Variants in TGFA observed in about 807,000 individuals in gnomAD.
TGFA encodes the protein transforming growth factor alpha.
A neutral mutation model predicts 21.7 loss-of-function variants in TGFA; 12 were observed. That is an observed-to-expected ratio of 0.55 (90% CI 0.35 to 0.90). TGFA has a LOEUF of 0.90. TGFA is among the 40% of genes least tolerant of loss of function. TGFA has a pLI of 0.01. For missense variants in TGFA, 178 were observed against 210.8 expected (o/e 0.84, Z 0.96); for synonymous variants, 79 against 88.1 (o/e 0.90, Z 0.58).
At chr2:70,502,376 A>G (rs7567218) in intron 2 of TGFA, among the ~76,000 whole-genome samples, 31,977 of 152,000 alleles carry the variant, frequency 0.21, 6,577 homozygotes, top group African/African-American at 0.54. Context: ...GTCTCACTCT[A>G]TTGCCCAGGC....
intron 1 of TGFA, among the ~76,000 whole-genome samples, chr2:70,550,227 T>G (rs2103958945): frequency 6.6e-6 from 1 of 152,338 alleles, no homozygotes; most frequent in South Asian, 2.1e-4. Context: ...CTCTGGATTA[T>G]AAAATCCATT....
At chr2:70,537,846 G>A (rs1186854102) in intron 1 of TGFA, among the ~76,000 whole-genome samples, 2 of 152,200 alleles carry the variant, frequency 1.3e-5, no homozygotes, top group African/African-American at 2.4e-5. Flanking sequence ...ATTGATGAAG[G>A]TGGCTACTCT....
chr2:70,510,721 T>C (rs187957938), intron 2 of TGFA, among the ~76,000 whole-genome samples: 53 of 152,312 alleles, frequency 3.5e-4, no homozygotes, highest in Non-Finnish European at 1.8e-4. Context: ...GACGCTGGCA[T>C]CATCTGCCCT....
intron 1 of TGFA, among the ~76,000 whole-genome samples, chr2:70,542,586 C>G (rs1216121303): frequency 1.3e-5 from 2 of 152,140 alleles, no homozygotes; most frequent in African/African-American, 4.8e-5. Context: ...GGTTGTGCAC[C>G]TAATGGACAC....
chr2:70,480,435 C>T (rs1553495245), intron 2 of TGFA, among the ~76,000 whole-genome samples: 2 of 152,172 alleles, frequency 1.3e-5, no homozygotes, highest in African/African-American at 4.8e-5. Context: ...TTCTTCAGAG[C>T]TTCTAGTACT....
Position 70,450,793 on chromosome 2 carries a change from TCCTGAAGAAG to T in TGFA, c.*56_*65del. ...CACCCAGGCATCTCTGGCAGTGCTGTCCTGAAGAAGCCTTTCTTTATTGATCTGCCACAGT... is the reference window on the plus strand; with the variant it reads ...CACCCAGGCATCTCTGGCAGTGCTGTCCTTTCTTTATTGATCTGCCACAGT... On this transcript the variant is annotated 3_prime_UTR_variant, in exon 6 of 6. Transcript: ENST00000295400. 1 of 1,578,648 alleles carries T rather than the reference TCCTGAAGAAG, an allele frequency of 6.3e-7. No individual in the cohort carries two copies. The highest frequency in any genetic ancestry group is 8.6e-7 in the Non-Finnish European group (1 of 1,156,248).
At chr2:70,552,118 T>C (rs1553506909) in intron 1 of TGFA, among the ~76,000 whole-genome samples, 1 of 152,212 alleles carries the variant, frequency 6.6e-6, no homozygotes, top group Non-Finnish European at 1.5e-5. Flanking sequence ...GACCACAAGT[T>C]AGGTGACTTT....
intron 5 of TGFA, among the ~76,000 whole-genome samples, chr2:70,452,268 C>T (rs1408555458): frequency 6.6e-6 from 1 of 152,126 alleles, no homozygotes; most frequent in African/African-American, 2.4e-5. Flanking sequence ...AATTGAATCC[C>T]TGAAAAGCTG....
At chr2:70,497,197 C>T (rs148734583) in intron 2 of TGFA, among the ~76,000 whole-genome samples, 49 of 152,318 alleles carry the variant, frequency 3.2e-4, no homozygotes, top group African/African-American at 1.1e-3. Context: ...ATGGGTGTTG[C>T]ACCCGGCAGA....
intron 2 of TGFA, 132 bp from the exon 3 acceptor site, chr2:70,465,868 C>T: frequency 7.8e-7 from 1 of 1,277,234 alleles, no homozygotes; most frequent in South Asian, 1.5e-5. Flanking sequence ...GGGGCACACC[C>T]TCCTCAGCTC....
chr2:70,544,891 G>A (rs1673244542), intron 1 of TGFA, among the ~76,000 whole-genome samples: 1 of 152,040 alleles, frequency 6.6e-6, no homozygotes, highest in South Asian at 2.1e-4. Flanking sequence ...GGGTGGTGTG[G>A]GAGTGGAGGT....
intron 1 of TGFA, among the ~76,000 whole-genome samples, chr2:70,546,901 T>A (rs182463321): frequency 7.9e-5 from 12 of 152,284 alleles, no homozygotes; most frequent in African/African-American, 2.9e-4. Context: ...ACACAGTAAA[T>A]CATTGTACTG....
At chr2:70,517,913 G>A (rs1468249176) in intron 1 of TGFA, among the ~76,000 whole-genome samples, 4 of 152,230 alleles carry the variant, frequency 2.6e-5, no homozygotes, top group East Asian at 1.9e-4. Flanking sequence ...AGGGGCAAAG[G>A]TATGAGCACC....
In TGFA at chr2:70,497,835, C is replaced by G. The variant is rs546274439; in HGVS notation, c.94+17024G>C. 4.6e-5 allele frequency among the ~76,000 whole-genome samples: 7 copies of G among 152,284 alleles called. No individual in the cohort carries two copies. In the South Asian group the frequency reaches 1.4e-3, roughly 32 times the overall value. The stretch of plus-strand genomic sequence containing the variant: ...CAATTCTTTCCATCATTTTTTAAAG[C>G]TAATTCATATCAAATGCGCAAATCT... On this transcript the variant is annotated intron_variant, in intron 2 of 5. Transcript: ENST00000295400.
At chr2:70,499,243 T>C (rs1010210847) in intron 2 of TGFA, among the ~76,000 whole-genome samples, 2 of 152,232 alleles carry the variant, frequency 1.3e-5, no homozygotes, top group African/African-American at 2.4e-5. Flanking sequence ...CCCGGTCTCC[T>C]TGGAGCTAGG....
chr2:70,474,337 A>C (rs1670860966), intron 2 of TGFA, among the ~76,000 whole-genome samples: 1 of 152,252 alleles, frequency 6.6e-6, no homozygotes, highest in African/African-American at 2.4e-5. Context: ...GATACTGAAG[A>C]GCTATAGAAA....
rs1242243170 is a variant in TGFA at position 70,504,453 on chromosome 2, T to TACATAC, written c.94+10405_94+10406insGTATGT. 2.1e-4 allele frequency among the ~76,000 whole-genome samples: 16 copies of TACATAC among 75,186 alleles called. No homozygotes were observed. The East Asian group carries it at 7.0e-3, about 33-fold the overall frequency. The allele number at this position is 75,186 out of a possible 152,430, so 49.3% of individuals were successfully genotyped here. On this transcript the variant is annotated intron_variant, in intron 2 of 5. Coordinates refer to ENST00000295400, the MANE Select transcript of TGFA (RefSeq NM_003236.4). ...AAACAAATATATATATATATATATA[T>TACATAC]ATATATATATACACACATACATACA...
At chr2:70,455,303 A>G (rs535191454) in intron 4 of TGFA, among the ~76,000 whole-genome samples, 23 of 152,326 alleles carry the variant, frequency 1.5e-4, no homozygotes, top group African/African-American at 3.4e-4. Context: ...AACCAGGGCC[A>G]TGTGTTTCAG....
rs1553489950 is a variant in TGFA at position 70,453,243 on chromosome 2, T to G, written c.450A>C (p.Arg150Ser). 3.1e-6 allele frequency: 5 copies of G among 1,613,984 alleles called. No individual in the cohort carries two copies. Among genetic ancestry groups the G allele is most frequent in the Non-Finnish European group, 3.4e-6 (4 of 1,179,866 alleles). Residue 150 changes from arginine to serine, a missense_variant, in exon 5 of 6, where the codon AGA becomes AGC. Physicochemically the swap from Arg to Ser is moderately radical, Grantham distance 110. Coordinates refer to ENST00000295400, the MANE Select transcript of TGFA (RefSeq NM_003236.4). Reference sequence around the variant, plus strand: ...CTGTTTCTGAGTGGCAGCAAGCGGTTCTTCCCTTCAGGAGGGCGCTGGGCT... The same window carrying G: ...CTGTTTCTGAGTGGCAGCAAGCGGTGCTTCCCTTCAGGAGGGCGCTGGGCT... ...HEKPSALLKG[R>S]TACCHSETVV
Sources: allele counts gnomAD v4.1 joint callset (sites outside exome capture counted in the v4.1 genomes callset), GRCh38; gene constraint gnomAD v4.1.1; transcripts MANE v1.5; gene names NCBI Gene and HGNC (gene_info 2026-07-23, HGNC 2026-07-21).